Variants in RBBP9 observed in about 807,000 individuals in gnomAD.
RBBP9 encodes serine hydrolase RBBP9.
In RBBP9, 20 loss-of-function variants were observed where a neutral mutation model predicts 24.2. That is an observed-to-expected ratio of 0.83 (90% CI 0.58 to 1.20). RBBP9 has a LOEUF of 1.20. RBBP9 is among the 50% of genes most tolerant of loss of function. RBBP9 has a pLI of 0.00. For missense variants in RBBP9, 234 were observed against 233.6 expected (o/e 1.00, Z -0.01); for synonymous variants, 74 against 84.6 (o/e 0.87, Z 0.69).
In RBBP9 at chr20:18,489,956, G is replaced by A. The variant is rs1298920031; in HGVS notation, c.369C>T (p.Ile123=). Residue 123 remains isoleucine (I), a synonymous_variant, in exon 5 of 5, where the codon ATC becomes ATT. Transcript: ENST00000337227. ...GCACAATGTAAGGGCAGTTGGCCTT[G>A]ATCTTCTCCCACTGCCAGGGGCGGG... ...YFTRPWQWEK[I]KANCPYIVQF... is the part of the protein sequence containing the mutation. The A allele has an allele frequency of 3.1e-6, 5 of 1,606,750 alleles. No homozygotes were observed. In the African/African-American group the frequency reaches 6.7e-5, roughly 21 times the overall value.
At chr20:18,492,445 G>A (rs1293151570) in intron 3 of RBBP9, among the ~76,000 whole-genome samples, 2 of 151,998 alleles carry the variant, frequency 1.3e-5, no homozygotes, top group Non-Finnish European at 2.9e-5. Context: ...CCTCTAAATA[G>A]GATTGTCTGT....
In RBBP9 at chr20:18,489,925, C is replaced by A; in HGVS notation, c.400G>T (p.Gly134Cys). ...KANCPYIVQF[G>C]STDDPFLPWK... ...GGAAGGAACGGGTCGTCAGTAGAGC[C>A]AAACTGCACAATGTAAGGGCAGTTG... Residue 134 changes from glycine to cysteine, a missense_variant, in exon 5 of 5, where the codon GGC (glycine) becomes TGC (cysteine). Gly to Cys is a radical substitution (Grantham distance 159). Transcript: ENST00000337227. The A allele has an allele frequency of 1.2e-6, 2 of 1,613,886 alleles. No homozygotes were observed. Among genetic ancestry groups the A allele is most frequent in the South Asian group, 2.2e-5 (2 of 91,070 alleles).
At chr20:18,496,143 G>A (rs1568588362) in intron 1 of RBBP9, among the ~76,000 whole-genome samples, 1 of 152,222 alleles carries the variant, frequency 6.6e-6, no homozygotes, top group Non-Finnish European at 1.5e-5. Flanking sequence ...CATCTATAGA[G>A]AGGCATGAAC....
chr20:18,495,689 C>T (rs932778275), intron 2 of RBBP9, 149 bp downstream of exon 2: 4 of 500,602 alleles, frequency 8.0e-6, no homozygotes, highest in Admixed American at 8.3e-5. Flanking sequence ...TTGGTTCACA[C>T]CCTCCTCCCC....
intron 3 of RBBP9, 31 bp downstream of exon 3, chr20:18,493,927 A>G: frequency 6.5e-7 from 1 of 1,526,898 alleles, no homozygotes; most frequent in Non-Finnish European, 8.9e-7. Flanking sequence ...TGGAGCCCAC[A>G]AAGGGGATAG....
chr20:18,493,930 GGGGA>G, intron 3 of RBBP9, 24 bp downstream of exon 3: 1 of 1,536,292 alleles, frequency 6.5e-7, no homozygotes, highest in Non-Finnish European at 8.9e-7. Context: ...AGCCCACAAA[GGGGA>G]TAGCAGTTTA....
chr20:18,494,591 G>C (rs758852580), intron 2 of RBBP9, among the ~76,000 whole-genome samples: 15 of 151,892 alleles, frequency 9.9e-5, no homozygotes, highest in Non-Finnish European at 1.8e-4. Context: ...TGACACAGGA[G>C]AATCACTTGA....
intron 2 of RBBP9, among the ~76,000 whole-genome samples, chr20:18,494,550 G>A (rs6111992): frequency 0.14 from 21,786 of 151,706 alleles, 2,182 homozygotes; most frequent in East Asian, 0.28. Flanking sequence ...GCGTGATGGC[G>A]CATGCCTGTA....
Position 18,495,404 on chromosome 20 carries a change from G to A in RBBP9, c.142+434C>T, listed in dbSNP as rs561476464. On this transcript the variant is annotated intron_variant, in intron 2 of 4. Transcript: ENST00000337227. The stretch of plus-strand genomic sequence containing the variant: ...CTTGAAGGCAGCATGCTCGTTAAGA[G>A]TCATCACCACTCCCTAATCTCAAGT... Among the ~76,000 whole-genome samples, 6 of 149,288 alleles carry A rather than the reference G, an allele frequency of 4.0e-5. No homozygotes were observed. The East Asian group carries it at 9.8e-4, about 24-fold the overall frequency.
intron 1 of RBBP9, among the ~76,000 whole-genome samples, chr20:18,496,343 GCT>G (rs796573960): frequency 5.3e-5 from 8 of 152,276 alleles, no homozygotes; most frequent in African/African-American, 1.9e-4. Flanking sequence ...CTGGAGACCC[GCT>G]CTAGAGGACA....
Position 18,488,648 on chromosome 20 carries a change from G to T in RBBP9, c.*1116C>A, listed in dbSNP as rs183183557. The stretch of plus-strand genomic sequence containing the variant: ...ATCTAAAGGGCCATGGAAGTTAAAA[G>T]GTTTAACTCTATAGAACAGAACACG... On this transcript the variant is annotated 3_prime_UTR_variant, in exon 5 of 5. Coordinates refer to ENST00000337227, the MANE Select transcript of RBBP9 (RefSeq NM_006606.3). 2.0e-5 allele frequency: 3 copies of T among 152,336 alleles called. No individual in the cohort carries two copies. Among genetic ancestry groups the T allele is most frequent in the Admixed American group, 2.0e-4 (3 of 15,310 alleles). The allele number at this position is 152,336 out of a possible 1,614,324, so 9.4% of individuals were successfully genotyped here.
At chr20:18,493,057 C>T (rs1420439608) in intron 3 of RBBP9, among the ~76,000 whole-genome samples, 3 of 152,148 alleles carry the variant, frequency 2.0e-5, no homozygotes, top group Non-Finnish European at 4.4e-5. Flanking sequence ...CATGTGACAG[C>T]CTAAGTGACT....
Position 18,486,673 on chromosome 20 carries a change from T to C in RBBP9, c.*3091A>G, listed in dbSNP as rs539501140. 4 of 152,220 alleles carry C rather than the reference T, an allele frequency of 2.6e-5. No homozygotes were observed. Among genetic ancestry groups the C allele is most frequent in the Admixed American group, 1.3e-4 (2 of 15,284 alleles). The allele number at this position is 152,220 out of a possible 1,614,324, so 9.4% of individuals were successfully genotyped here. On this transcript the variant is annotated 3_prime_UTR_variant, in exon 5 of 5. Transcript: ENST00000337227. ...AGGGATAAACTGTAACCAAAACAGATTGTGGGGCTCTAGACTCCGGACAGC... is the reference window on the plus strand; with the variant it reads ...AGGGATAAACTGTAACCAAAACAGACTGTGGGGCTCTAGACTCCGGACAGC...
intron 3 of RBBP9, among the ~76,000 whole-genome samples, chr20:18,492,151 C>A (rs1018108251): frequency 6.8e-6 from 1 of 147,538 alleles, no homozygotes; most frequent in Non-Finnish European, 1.5e-5. Context: ...AATTTTGTCA[C>A]ATTTCACCCG....
intron 2 of RBBP9, among the ~76,000 whole-genome samples, chr20:18,494,656 G>T (rs1384402927): frequency 1.3e-5 from 2 of 151,932 alleles, no homozygotes; most frequent in Non-Finnish European, 2.9e-5. Flanking sequence ...ACTCTGGCCT[G>T]GGCAACAGAG....
chr20:18,495,685 C>A (rs1418037399), intron 2 of RBBP9, among the ~76,000 whole-genome samples, 153 bp downstream of exon 2: 1 of 143,326 alleles, frequency 7.0e-6, no homozygotes, highest in Non-Finnish European at 1.5e-5. Flanking sequence ...GCTTTTGGTT[C>A]ACACCCTCCT....
chr20:18,495,798 CAACAAGATGAGGCTATTTAAA>C lies in RBBP9; in HGVS notation c.142+19_142+39del, dbSNP rs1207993328. 6.6e-7 allele frequency: 1 copy of C among 1,524,220 alleles called. No individual in the cohort carries two copies. The highest frequency in any genetic ancestry group is 1.4e-5 in the African/African-American group (1 of 72,622). The allele number at this position is 1,524,220 out of a possible 1,614,324, so 94.4% of individuals were successfully genotyped here. ...CCACAAAAATGGTAATATCAAAACCCAACAAGATGAGGCTATTTAAAAACAAGTTTAAAACTTACTTGGGTC... is the reference window on the plus strand; with the variant it reads ...CCACAAAAATGGTAATATCAAAACCCAACAAGTTTAAAACTTACTTGGGTC... On this transcript the variant is annotated intron_variant, in intron 2 of 4. Transcript: ENST00000337227.
chr20:18,491,165 C>T (rs970010453), intron 3 of RBBP9, among the ~76,000 whole-genome samples: 3 of 152,226 alleles, frequency 2.0e-5, no homozygotes, highest in African/African-American at 4.8e-5. Flanking sequence ...CATTTTAAGG[C>T]GTGATCCCTC....
chr20:18,492,223 A>C (rs1209654351), intron 3 of RBBP9, among the ~76,000 whole-genome samples: 2 of 152,108 alleles, frequency 1.3e-5, no homozygotes, highest in Admixed American at 1.3e-4. Context: ...TATTACACCC[A>C]ATAAATTTCA....
Sources: allele counts gnomAD v4.1 joint callset (sites outside exome capture counted in the v4.1 genomes callset), GRCh38; gene constraint gnomAD v4.1.1; transcripts MANE v1.5; gene names NCBI Gene and HGNC (gene_info 2026-07-23, HGNC 2026-07-21).